Variants in PRKAG3 observed in about 807,000 individuals in gnomAD.
The protein encoded by PRKAG3 is protein kinase AMP-activated non-catalytic subunit gamma 3.
In PRKAG3, 39 loss-of-function variants were observed where a neutral mutation model predicts 56.5. The ratio of observed to expected loss-of-function variants is 0.69; its 90% CI spans 0.53 to 0.90. The LOEUF (loss-of-function observed/expected upper bound fraction) is 0.90, where lower values mean the gene tolerates loss of function less well. PRKAG3 is among the 40% of genes least tolerant of loss of function. The pLI, the probability that PRKAG3 is intolerant of heterozygous loss-of-function variation, is 0.00. For missense variants in PRKAG3, 628 were observed against 627.5 expected (o/e 1.00, Z -0.01); for synonymous variants, 243 against 250.1 (o/e 0.97, Z 0.27).
chr2:218,831,739 C>G lies in PRKAG3; in HGVS notation c.32G>C (p.Arg11Thr), dbSNP rs768697010. 5.6e-6 allele frequency: 9 copies of G among 1,610,988 alleles called. No homozygotes were observed. The highest frequency in any genetic ancestry group is 7.6e-6 in the Non-Finnish European group (9 of 1,179,106). The change falls in exon 1 of 13, where the codon AGG becomes ACG. Residue 11 changes from arginine (R) to threonine (T), a missense_variant and splice_region_variant. Arg to Thr is a moderately conservative substitution (Grantham distance 71, BLOSUM62 -1). Coordinates refer to ENST00000529249, the Ensembl canonical transcript of PRKAG3. ...CCGGCTCCCCTGGGACCCCCATACC[C>G]TGCGCAGTGCGTGCTCCAGCCCGGG...
intron 4 of PRKAG3, among the ~76,000 whole-genome samples, chr2:218,829,273 TTC>T (rs1943982958): frequency 6.6e-6 from 1 of 152,030 alleles, no homozygotes. Flanking sequence ...TCATTATTTT[TTC>T]TGTTACCAAG....
exon 4 of PRKAG3, chr2:218,830,008 G>A: frequency 6.2e-7 from 1 of 1,613,940 alleles, no homozygotes. Flanking sequence ...TGACTAGCTT[G>A]GAGCTAGTTG....
intron 4 of PRKAG3, among the ~76,000 whole-genome samples, chr2:218,829,529 T>C (rs1943987024): frequency 6.6e-6 from 1 of 151,848 alleles, no homozygotes; most frequent in Admixed American, 6.6e-5. Flanking sequence ...GGTTTCACCA[T>C]GTTGGTCAGG....
downstream of PRKAG3, chr2:218,822,968 T>C (rs1361246142): frequency 2.0e-6 from 2 of 985,548 alleles, no homozygotes; most frequent in African/African-American, 3.5e-5. Flanking sequence ...ACCTCCAAGC[T>C]TGACTCAGCT....
chr2:218,830,683 AG>A (rs1944008002), intron 3 of PRKAG3, 62 bp downstream of exon 3: 11 of 1,571,668 alleles, frequency 7.0e-6, no homozygotes, highest in Non-Finnish European at 8.6e-6. Context: ...GACCAGACCC[AG>A]GCTCCTCTGG....
At chr2:218,822,367 A>G (rs965475878), downstream of PRKAG3, 14 of 152,244 alleles carry the variant, frequency 9.2e-5, no homozygotes, top group Non-Finnish European at 1.9e-4. Flanking sequence ...AAATTTCAGT[A>G]GAATAGCGCT....
chr2:218,830,282 G>A, exon 4 of PRKAG3: 1 of 1,613,624 alleles, frequency 6.2e-7, no homozygotes, highest in Non-Finnish European at 8.5e-7. Context: ...CCCTGTTGGT[G>A]GAGTGCCCAC....
Position 218,827,760 on chromosome 2 carries a change from A to G in PRKAG3, c.820+73T>C, listed in dbSNP as rs1417183155. The G allele has an allele frequency of 1.3e-6, 2 of 1,573,880 alleles. No homozygotes were observed. The highest frequency in any genetic ancestry group is 1.4e-5 in the African/African-American group (1 of 73,708). On this transcript the variant is annotated intron_variant, in intron 7 of 12. Transcript: ENST00000529249. This position sits in a 1 kb window ranked among gnomAD's most constrained non-coding sequence, Gnocchi z 5.3. ...CCCCTGTTCACTCCAGGACATCCCC[A>G]CTGCCCATCCTCCACCTTAAGCCCT...
chr2:218,829,943 G>A, intron 4 of PRKAG3, 35 bp downstream of exon 4: 1 of 1,601,640 alleles, frequency 6.2e-7, no homozygotes, highest in Non-Finnish European at 8.5e-7. Context: ...TGTGGATGGA[G>A]AGTGAGTACA....
intron 2 of PRKAG3, 79 bp downstream of exon 2, chr2:218,831,257 G>A: frequency 9.0e-7 from 1 of 1,113,030 alleles, no homozygotes; most frequent in Non-Finnish European, 1.3e-6. Context: ...AGGCTGGGAG[G>A]GAATTGGGGT....
At position 218,827,454 on chromosome 2, in the gene PRKAG3, G is replaced by A. The variant is rs1334604825; in HGVS notation, c.876-81C>T. ...CCCAGGCCCCTAAAAAGGAGGGCAG[G>A]GCACCAAGGCTCCCTTGTCTGTGTG... On this transcript the variant is annotated intron_variant, in intron 8 of 12. Coordinates refer to ENST00000529249, the Ensembl canonical transcript of PRKAG3. The surrounding 1 kb of genome is among the most constrained non-coding windows in gnomAD (Gnocchi z 5.3). 2.5e-6 allele frequency: 4 copies of A among 1,607,484 alleles called. No homozygotes were observed. Among genetic ancestry groups the A allele is most frequent in the African/African-American group, 2.7e-5 (2 of 74,734 alleles).
exon 4 of PRKAG3, chr2:218,830,131 G>A: frequency 6.2e-7 from 1 of 1,613,852 alleles, no homozygotes; most frequent in Non-Finnish European, 8.5e-7. Flanking sequence ...GCGGGGACAG[G>A]CACAGGGCAG....
At chr2:218,828,636 C>G in intron 4 of PRKAG3, 36 bp from the exon 5 acceptor site, 1 of 1,575,142 alleles carries the variant, frequency 6.3e-7, no homozygotes, top group South Asian at 1.1e-5. Context: ...GGGTGGGTCC[C>G]GAGAGACCCT....
At chr2:218,830,075 G>T in exon 4 of PRKAG3, 2 of 1,613,424 alleles carry the variant, frequency 1.2e-6, no homozygotes, top group Non-Finnish European at 1.7e-6. Context: ...CTGGGCGCCG[G>T]GTTTCCGCAG....
intron 10 of PRKAG3, 65 bp from the exon 11 acceptor site, chr2:218,824,641 G>A (rs980291537): frequency 6.8e-7 from 1 of 1,468,160 alleles, no homozygotes; most frequent in Non-Finnish European, 9.6e-7. Context: ...TCAGAACCGG[G>A]GTGCTGTGTA....
exon 1 of PRKAG3, chr2:218,831,741 G>T: frequency 1.2e-6 from 2 of 1,611,002 alleles, no homozygotes; most frequent in Non-Finnish European, 1.7e-6. Context: ...CCCATACCCT[G>T]CGCAGTGCGT....
exon 13 of PRKAG3, chr2:218,823,452 C>T (rs1943883142): frequency 2.5e-6 from 1 of 399,382 alleles, no homozygotes; most frequent in Non-Finnish European, 4.7e-6. Context: ...CTTTGTCCCT[C>T]CCTTCTAGGA....
chr2:218,823,476 C>T (rs1049739026), exon 13 of PRKAG3: 4 of 465,426 alleles, frequency 8.6e-6, no homozygotes, highest in Non-Finnish European at 1.6e-5. Flanking sequence ...TCTCCATGAC[C>T]TCAGCTGAAA....
intron 12 of PRKAG3, 54 bp downstream of exon 12, chr2:218,824,168 A>G: frequency 6.2e-7 from 1 of 1,613,670 alleles, no homozygotes; most frequent in Non-Finnish European, 8.5e-7. Flanking sequence ...GGAGCCGTGC[A>G]TGAGAAGGAC....
Sources: allele counts gnomAD v4.1 joint callset (sites outside exome capture counted in the v4.1 genomes callset), GRCh38; gene constraint gnomAD v4.1.1; non-coding constraint Gnocchi (gnomAD v3.1); transcripts MANE v1.5; gene names NCBI Gene and HGNC (gene_info 2026-07-23, HGNC 2026-07-21).